The following DNAJC2 variants were observed in gnomAD, a reference collection of about 807,000 sequenced individuals.
The protein encoded by DNAJC2 is DnaJ heat shock protein family (Hsp40) member C2, also known as dnaJ homolog subfamily C member 2.
A neutral mutation model predicts 94.0 loss-of-function variants in DNAJC2; 32 were observed. The observed-to-expected ratio is 0.34, with a 90% CI of 0.26 to 0.46. The LOEUF (loss-of-function observed/expected upper bound fraction) is 0.46, where lower values mean the gene tolerates loss of function less well. DNAJC2 is among the 20% of genes least tolerant of loss of function. The probability of loss-of-function intolerance (pLI) is 1.00; values close to 1 mark genes in which losing one functional copy is unlikely to be tolerated. For synonymous variants in DNAJC2, 210 were observed against 229.7 expected (o/e 0.91, Z 0.77); for missense variants, 550 against 719.5 (o/e 0.76, Z 2.69).
intron 2 of DNAJC2, among the ~76,000 whole-genome samples, chr7:103,340,180 GCTGC>G (rs1413480931): frequency 2.6e-4 from 40 of 152,148 alleles, no homozygotes; most frequent in African/African-American, 8.9e-4. Flanking sequence ...GGAAGAATAC[GCTGC>G]CTGATGTTTA....
intron 3 of DNAJC2, chr7:103,337,382 A>C (rs922472218): frequency 3.0e-5 from 5 of 168,544 alleles, no homozygotes; most frequent in Non-Finnish European, 1.3e-5. Flanking sequence ...AAAAAAACCA[A>C]AAACCAAAAA....
chr7:103,314,355 G>A, intron 15 of DNAJC2: 2 of 985,360 alleles, frequency 2.0e-6, no homozygotes, highest in Non-Finnish European at 2.4e-6. Context: ...GCTGTTTAAT[G>A]GTACAACTGA....
At position 103,312,295 on chromosome 7, in the gene DNAJC2, G is replaced by T; in HGVS notation, c.*274C>A. 1 of 1,606,732 alleles carries T rather than the reference G, an allele frequency of 6.2e-7. No individual in the cohort carries two copies. Among genetic ancestry groups the T allele is most frequent in the South Asian group, 1.1e-5 (1 of 90,850 alleles). ...AAAATGCTCCTAATCAAGATTGTTT[G>T]AACACATGTATTTATAAAACAGAGC... On this transcript the variant is annotated 3_prime_UTR_variant, in exon 17 of 17. Coordinates refer to ENST00000379263, the MANE Select transcript of DNAJC2 (RefSeq NM_014377.3).
chr7:103,317,065 C>A (rs1818105549), intron 12 of DNAJC2, 51 bp from the exon 13 acceptor site: 1 of 1,477,906 alleles, frequency 6.8e-7, no homozygotes, highest in Non-Finnish European at 9.3e-7. Flanking sequence ...TATTGCTATT[C>A]TACACTCTCT....
chr7:103,340,179 C>A (rs1041594118), intron 2 of DNAJC2, among the ~76,000 whole-genome samples: 2 of 152,308 alleles, frequency 1.3e-5, no homozygotes, highest in South Asian at 2.1e-4. Flanking sequence ...TGGAAGAATA[C>A]GCTGCCTGAT....
intron 3 of DNAJC2, among the ~76,000 whole-genome samples, chr7:103,332,280 T>C (rs932328853): frequency 5.3e-5 from 8 of 152,216 alleles, no homozygotes; most frequent in South Asian, 2.1e-4. Flanking sequence ...GCTCGGATTA[T>C]AGGCGTGAGC....
At chr7:103,314,522 TC>T in intron 15 of DNAJC2, 1 of 985,204 alleles carries the variant, frequency 1.0e-6, no homozygotes, top group Non-Finnish European at 1.2e-6. Context: ...TGGAAACAAG[TC>T]CCCCTAAGAA....
chr7:103,326,141 G>A (rs997762459), intron 5 of DNAJC2, among the ~76,000 whole-genome samples: 1 of 151,922 alleles, frequency 6.6e-6, no homozygotes, highest in Non-Finnish European at 1.5e-5. Context: ...TCCACGGCCA[G>A]CTAATTTTTG....
Position 103,315,874 on chromosome 7 carries a change from G to A in DNAJC2, c.1529-3C>T, listed in dbSNP as rs752050195. The stretch of plus-strand genomic sequence containing the variant: ...TATGTCATCTTTTTGATGAGGGTCT[G>A]AGAAATGAAAAAAATTTAATACTTA... On this transcript the variant is annotated splice_region_variant and splice_polypyrimidine_tract_variant and intron_variant, in intron 14 of 16. Transcript: ENST00000379263. 2 of 1,602,338 alleles carry A rather than the reference G, an allele frequency of 1.2e-6. No homozygotes were observed. Among genetic ancestry groups the A allele is most frequent in the Non-Finnish European group, 8.5e-7 (1 of 1,172,016 alleles).
intron 5 of DNAJC2, among the ~76,000 whole-genome samples, chr7:103,325,923 G>T (rs2115927642): frequency 1.3e-5 from 2 of 152,250 alleles, no homozygotes; most frequent in Middle Eastern, 3.4e-3. Flanking sequence ...GGAAATCAAA[G>T]AATGGAAAAT....
intron 3 of DNAJC2, among the ~76,000 whole-genome samples, chr7:103,332,248 G>A (rs978717401): frequency 2.0e-5 from 3 of 152,094 alleles, no homozygotes; most frequent in Non-Finnish European, 2.9e-5. Flanking sequence ...CTCATGATCC[G>A]CCCGCCTTGG....
chr7:103,333,289 T>G (rs1257685447), intron 3 of DNAJC2, among the ~76,000 whole-genome samples: 1 of 152,172 alleles, frequency 6.6e-6, no homozygotes, highest in Non-Finnish European at 1.5e-5. Flanking sequence ...TTTTCCCTCT[T>G]TTGAAAAAAG....
In DNAJC2 at chr7:103,312,518, G is replaced by T. The variant is rs1817802505; in HGVS notation, c.*51C>A. The T allele has an allele frequency of 6.3e-7, 1 of 1,586,200 alleles. No homozygotes were observed. The highest frequency in any genetic ancestry group is 8.5e-7 in the Non-Finnish European group (1 of 1,170,244). ...TGAGTATAATTTTAAGAATGAAAAT[G>T]TTTACAGTATTTTCAGTTTTATTAT... On this transcript the variant is annotated 3_prime_UTR_variant, in exon 17 of 17. Transcript: ENST00000379263.
chr7:103,321,808 A>G, intron 10 of DNAJC2, 124 bp downstream of exon 10: 1 of 1,078,450 alleles, frequency 9.3e-7, no homozygotes, highest in Non-Finnish European at 1.3e-6. Context: ...AGATCGCGCC[A>G]CTGCACTCCA....
intron 15 of DNAJC2, chr7:103,314,368 A>G: frequency 1.0e-5 from 10 of 985,460 alleles, no homozygotes; most frequent in Non-Finnish European, 1.2e-5. Flanking sequence ...ACAACTGAAG[A>G]GGAAGGAGCC....
rs1586084516 is a variant in DNAJC2 at position 103,323,579 on chromosome 7, T to C, written c.719+19A>G. 4 of 1,443,828 alleles carry C rather than the reference T, an allele frequency of 2.8e-6. No homozygotes were observed. Among genetic ancestry groups the C allele is most frequent in the Non-Finnish European group, 3.7e-6 (4 of 1,080,416 alleles). 89.4% of individuals were successfully genotyped at this position (1,443,828 alleles called of 1,614,324 possible). ...GAACCAAATAAATACCTTCCATTAT[T>C]AATGATTTGCATACATACCATTCTG... On this transcript the variant is annotated intron_variant, in intron 7 of 16. Coordinates refer to ENST00000379263, the MANE Select transcript of DNAJC2 (RefSeq NM_014377.3).
At chr7:103,313,745 T>C (rs1817889633) in intron 15 of DNAJC2, 4 of 985,280 alleles carry the variant, frequency 4.1e-6, no homozygotes, top group African/African-American at 1.7e-5. Flanking sequence ...AAACCTTGTA[T>C]ATTTCAGAAA....
At chr7:103,323,159 A>AC (rs1483207811) in intron 7 of DNAJC2, among the ~76,000 whole-genome samples, 6 of 152,098 alleles carry the variant, frequency 3.9e-5, no homozygotes, top group African/African-American at 1.2e-4. Flanking sequence ...CGCACTCCTG[A>AC]CCTCAGGTGA....
chr7:103,344,658 T>C lies in DNAJC2; in HGVS notation c.-36A>G. ...GGTCTAGCCCGGTGGGCGCAGCGGC[T>C]CACGTCCCGGGCGGAGGGCGCTTAG... On this transcript the variant is annotated 5_prime_UTR_variant, in exon 1 of 17. Transcript: ENST00000379263. 1 of 1,600,848 alleles carries C rather than the reference T, an allele frequency of 6.2e-7. No homozygotes were observed. Among genetic ancestry groups the C allele is most frequent in the Non-Finnish European group, 8.5e-7 (1 of 1,178,236 alleles).
Sources: gnomAD v4.1 joint callset for allele counts (sites outside exome capture counted in the v4.1 genomes callset) on GRCh38, gnomAD v4.1.1 for gene constraint, MANE v1.5 for transcripts, NCBI Gene and HGNC (gene_info 2026-07-23, HGNC 2026-07-21) for gene names.